Variants in BRINP3 observed in about 807,000 individuals in gnomAD.
The protein encoded by BRINP3 is BMP/retinoic acid-inducible neural-specific protein 3.
Under a neutral mutation model 71.0 loss-of-function variants are expected in BRINP3, and 19 were observed. The observed-to-expected ratio is 0.27, with a 90% CI of 0.19 to 0.39. The LOEUF (loss-of-function observed/expected upper bound fraction) is 0.39. Ranked by LOEUF, BRINP3 falls within the 10% of genes least tolerant of loss-of-function variation. BRINP3 has a pLI of 1.00. For synonymous variants in BRINP3, 380 were observed against 337.7 expected (o/e 1.13, Z -1.37); for missense variants, 959 against 940.8 (o/e 1.02, Z -0.25).
At chr1:190,282,497 C>T (rs902601885) in intron 2 of BRINP3, among the ~76,000 whole-genome samples, 7 of 151,622 alleles carry the variant, frequency 4.6e-5, no homozygotes, top group African/African-American at 1.7e-4. Flanking sequence ...AGAAGTGGTC[C>T]AATAAAATTC....
intron 2 of BRINP3, among the ~76,000 whole-genome samples, chr1:190,420,933 C>T (rs943245248): frequency 2.0e-5 from 3 of 151,788 alleles, no homozygotes; most frequent in Admixed American, 6.6e-5. Context: ...TCAGAACAAG[C>T]TTGTTGGGTG....
intron 2 of BRINP3, among the ~76,000 whole-genome samples, chr1:190,319,373 A>T (rs1432212183): frequency 6.6e-6 from 1 of 152,038 alleles, no homozygotes; most frequent in African/African-American, 2.4e-5. Flanking sequence ...TATAGCTCTT[A>T]TCCCAAAGTT....
At chr1:190,449,929 T>C (rs1172521645) in intron 2 of BRINP3, among the ~76,000 whole-genome samples, 1 of 152,220 alleles carries the variant, frequency 6.6e-6, no homozygotes, top group African/African-American at 2.4e-5. Context: ...TACTCGTATA[T>C]TCCCTTCCAG....
rs1300879224 is a variant in BRINP3 at position 190,332,273 on chromosome 1, G to A, written c.237-50523C>T. 4.6e-5 allele frequency among the ~76,000 whole-genome samples: 7 copies of A among 152,012 alleles called. 1 individual carries two copies. Among genetic ancestry groups the A allele is most frequent in the Admixed American group, 4.6e-4 (7 of 15,240 alleles). ...CTGATAGAAAGTAGGAATATGTATG[G>A]TAAATGGGTGCCAAAGGGCAAATTG... On this transcript the variant is annotated intron_variant, in intron 2 of 7. Coordinates refer to ENST00000367462, the MANE Select transcript of BRINP3 (RefSeq NM_199051.3).
At chr1:190,273,964 C>T (rs1662335402) in intron 3 of BRINP3, among the ~76,000 whole-genome samples, 1 of 151,494 alleles carries the variant, frequency 6.6e-6, no homozygotes, top group South Asian at 2.1e-4. Context: ...CAACTATGAG[C>T]AGTTCATGAT....
At chr1:190,475,278 G>T (rs1677425607) in intron 1 of BRINP3, among the ~76,000 whole-genome samples, 1 of 152,158 alleles carries the variant, frequency 6.6e-6, no homozygotes. Context: ...GTTAAATATA[G>T]CTCATTAAAA....
At chr1:190,192,621 C>T (rs982099802) in intron 6 of BRINP3, among the ~76,000 whole-genome samples, 7 of 151,516 alleles carry the variant, frequency 4.6e-5, no homozygotes, top group Non-Finnish European at 1.0e-4. Flanking sequence ...TAACTATTAC[C>T]TATGCAAGAA....
chr1:190,357,274 A>C (rs1405436615), intron 2 of BRINP3, among the ~76,000 whole-genome samples: 1 of 152,004 alleles, frequency 6.6e-6, no homozygotes, highest in African/African-American at 2.4e-5. Context: ...TGCCAAACCT[A>C]GATTTTAATT....
In BRINP3 at chr1:190,359,937, T is replaced by C. The variant is rs528303037; in HGVS notation, c.237-78187A>G. Among the ~76,000 whole-genome samples, 7 of 152,232 alleles carry C rather than the reference T, an allele frequency of 4.6e-5. No individual in the cohort carries two copies. The East Asian group carries it at 1.4e-3, about 29-fold the overall frequency. On this transcript the variant is annotated intron_variant, in intron 2 of 7. Transcript: ENST00000367462. ...CTCTTTTCACCTCCTAATATATGTG[T>C]GCGGGTGACATACAAGCTTATTTAG... is the stretch of plus-strand genomic sequence containing the variant.
intron 2 of BRINP3, among the ~76,000 whole-genome samples, chr1:190,313,430 G>A (rs926331826): frequency 6.6e-6 from 1 of 151,948 alleles, no homozygotes; most frequent in Non-Finnish European, 1.5e-5. Flanking sequence ...TGGTAAAAAT[G>A]GTAAAAGCAT....
chr1:190,297,792 GTGTGTGTGTGTGCGTGTGTGTACC>G (rs1664361080), intron 2 of BRINP3, among the ~76,000 whole-genome samples: 1 of 151,246 alleles, frequency 6.6e-6, no homozygotes, highest in South Asian at 2.1e-4. Context: ...GTGTGTGTGT[GTGTGTGTGTGTGCGTGTGTGTACC>G]TGTGTGTGTG....
In BRINP3 at chr1:190,361,864, T is replaced by C. The variant is rs1329715240; in HGVS notation, c.237-80114A>G. ...TTCTTCTATTTTTGACAGGTGGTGGTAAATGTTTGAGTTCTCCCAAAATTC... is the reference window on the plus strand; with the variant it reads ...TTCTTCTATTTTTGACAGGTGGTGGCAAATGTTTGAGTTCTCCCAAAATTC... On this transcript the variant is annotated intron_variant, in intron 2 of 7. Transcript: ENST00000367462. 2.0e-5 allele frequency among the ~76,000 whole-genome samples: 3 copies of C among 152,298 alleles called. No individual in the cohort carries two copies. The East Asian group carries it at 5.8e-4, about 29-fold the overall frequency.
chr1:190,126,484 T>G (rs1654097543), intron 7 of BRINP3, among the ~76,000 whole-genome samples: 1 of 151,956 alleles, frequency 6.6e-6, no homozygotes. Flanking sequence ...TCATAGGACT[T>G]ACACCCTGTT....
chr1:190,233,531 T>G (rs1658212886), intron 5 of BRINP3, among the ~76,000 whole-genome samples: 1 of 152,150 alleles, frequency 6.6e-6, no homozygotes, highest in Non-Finnish European at 1.5e-5. Flanking sequence ...TGGTAGCATT[T>G]CTGAAACTTT....
rs184999587 is a variant in BRINP3, at chr1:190,152,342, A to T, written c.1184+8326T>A. 3.5e-3 allele frequency among the ~76,000 whole-genome samples: 531 copies of T among 152,092 alleles called. 4 individuals carry two copies. Among genetic ancestry groups the T allele is most frequent in the African/African-American group, 0.012 (503 of 41,496 alleles). ...TCATGCTAGATACCAATCTCAAGCA[A>T]ATAATTATTCATTACCTTCTCAGAC... On this transcript the variant is annotated intron_variant, in intron 7 of 7. Transcript: ENST00000367462.
intron 2 of BRINP3, among the ~76,000 whole-genome samples, chr1:190,371,822 G>C (rs966207684): frequency 3.3e-5 from 5 of 151,988 alleles, no homozygotes; most frequent in African/African-American, 1.2e-4. Context: ...CTGGCATAGG[G>C]GGCACAGCTC....
At chr1:190,475,463 A>G (rs1053099296) in intron 1 of BRINP3, among the ~76,000 whole-genome samples, 2 of 152,278 alleles carry the variant, frequency 1.3e-5, no homozygotes, top group Admixed American at 1.3e-4. Context: ...GCCCACACCA[A>G]GCACACGTTC....
At chr1:190,132,919 A>G (rs1395308497) in intron 7 of BRINP3, among the ~76,000 whole-genome samples, 1 of 152,098 alleles carries the variant, frequency 6.6e-6, no homozygotes, top group African/African-American at 2.4e-5. Context: ...GGACACTCAA[A>G]AAGCACTTTG....
chr1:190,444,061 T>C (rs1380738749), intron 2 of BRINP3, among the ~76,000 whole-genome samples: 1 of 151,842 alleles, frequency 6.6e-6, no homozygotes, highest in African/African-American at 2.4e-5. Flanking sequence ...TGAGAAAACC[T>C]GTCTCTACTA....
Sources: allele counts gnomAD v4.1 joint callset (sites outside exome capture counted in the v4.1 genomes callset), GRCh38; gene constraint gnomAD v4.1.1; transcripts MANE v1.5; gene names NCBI Gene and HGNC (gene_info 2026-07-23, HGNC 2026-07-21).